The following SHTN1 variants were observed in gnomAD, a reference collection of about 807,000 sequenced individuals.
The protein encoded by SHTN1 is shootin 1.
In SHTN1, 42 loss-of-function variants were observed where a neutral mutation model predicts 83.1. That is an observed-to-expected ratio of 0.51 (90% CI 0.39 to 0.65). The LOEUF (loss-of-function observed/expected upper bound fraction) is 0.65, where lower values mean the gene tolerates loss of function less well. Among genes scored for constraint, SHTN1 ranks in the 30% least tolerant of loss-of-function variants. SHTN1 has a pLI of 0.00. For missense variants in SHTN1, 622 were observed against 737.8 expected (o/e 0.84, Z 1.82); for synonymous variants, 224 against 247.7 (o/e 0.90, Z 0.90).
intron 8 of SHTN1, among the ~76,000 whole-genome samples, chr10:116,943,727 A>C (rs1030531827): frequency 6.6e-6 from 1 of 152,188 alleles, no homozygotes; most frequent in African/African-American, 2.4e-5. Flanking sequence ...TGGATTTTCA[A>C]ATGTCATTCC....
chr10:116,987,587 C>T (rs1002975810), intron 1 of SHTN1, among the ~76,000 whole-genome samples: 1 of 152,022 alleles, frequency 6.6e-6, no homozygotes, highest in African/African-American at 2.4e-5. Context: ...AATTATATGA[C>T]ATTCTAGAAA....
chr10:117,119,855 A>AT (rs1853898841), intron 1 of SHTN1, among the ~76,000 whole-genome samples: 5 of 151,968 alleles, frequency 3.3e-5, no homozygotes, highest in African/African-American at 9.7e-5. Context: ...AAAAAAAAAA[A>AT]ATAAGATCCT....
chr10:116,965,069 T>C (rs1329303854), intron 3 of SHTN1, among the ~76,000 whole-genome samples: 1 of 152,180 alleles, frequency 6.6e-6, no homozygotes, highest in Admixed American at 6.5e-5. Flanking sequence ...GTGGTGTTCT[T>C]TGTGTGTAGG....
At chr10:117,121,237 T>C (rs933927081) in intron 1 of SHTN1, among the ~76,000 whole-genome samples, 2 of 152,252 alleles carry the variant, frequency 1.3e-5, no homozygotes, top group Non-Finnish European at 2.9e-5. Flanking sequence ...TAATCTCCTA[T>C]AATCTATATT....
rs78663843 is a variant in SHTN1 at position 117,112,093 on chromosome 10, G to A, written c.-189+14214C>T. On this transcript the variant is annotated intron_variant, in intron 1 of 17. Transcript: ENST00000392901. ...CAATCCTCCTGCTTCAGCCTCCCAA[G>A]TAGCTGGAATTACAGGCACACGCCA... is the stretch of plus-strand genomic sequence containing the variant. Among the ~76,000 whole-genome samples, 592 of 152,238 alleles carry A rather than the reference G, an allele frequency of 3.9e-3. 14 individuals carry two copies. The East Asian group carries it at 0.078, about 20-fold the overall frequency.
chr10:116,940,987 C>T (rs1275722603), intron 8 of SHTN1, among the ~76,000 whole-genome samples: 2 of 152,140 alleles, frequency 1.3e-5, no homozygotes, highest in East Asian at 3.8e-4. Context: ...TATTAAAGTG[C>T]TTCTACTATG....
intron 1 of SHTN1, among the ~76,000 whole-genome samples, chr10:117,083,468 A>T (rs1215085664): frequency 6.6e-6 from 1 of 151,176 alleles, no homozygotes; most frequent in Non-Finnish European, 1.5e-5. Flanking sequence ...TGCCCTTAAT[A>T]TTTTTTCCTT....
chr10:116,940,053 T>G (rs1307473419), intron 9 of SHTN1, among the ~76,000 whole-genome samples: 1 of 152,242 alleles, frequency 6.6e-6, no homozygotes, highest in African/African-American at 2.4e-5. Context: ...TAATACGGAC[T>G]GTCATTTTCT....
Position 117,095,050 on chromosome 10 carries a change from A to G in SHTN1, c.-189+31257T>C, listed in dbSNP as rs548065386. Among the ~76,000 whole-genome samples, 113 of 152,332 alleles carry G rather than the reference A, an allele frequency of 7.4e-4. 2 individuals carry two copies. The South Asian group carries it at 0.022, about 30-fold the overall frequency. Reference sequence around the variant, plus strand: ...ACAAGCAAGAAGGCTCATTGTTTCCACAGGCCTCCTTCGGGCCTTGGCTTT... The same window carrying G: ...ACAAGCAAGAAGGCTCATTGTTTCCGCAGGCCTCCTTCGGGCCTTGGCTTT... On this transcript the variant is annotated intron_variant, in intron 1 of 17. Transcript: ENST00000392901.
chr10:116,922,974 A>T (rs900140219), intron 11 of SHTN1, among the ~76,000 whole-genome samples: 4 of 152,268 alleles, frequency 2.6e-5, no homozygotes, highest in Admixed American at 6.5e-5. Context: ...CTCAAAAAAA[A>T]AAATAAAAAT....
At chr10:116,928,506 T>A (rs1208530364) in intron 10 of SHTN1, among the ~76,000 whole-genome samples, 1 of 152,222 alleles carries the variant, frequency 6.6e-6, no homozygotes, top group Non-Finnish European at 1.5e-5. Flanking sequence ...AAAGTGCCTA[T>A]GAATGGTGCT....
At chr10:117,126,325 C>A in exon 1 of SHTN1, 1 of 164,226 alleles carries the variant, frequency 6.1e-6, no homozygotes, top group Non-Finnish European at 1.3e-5. Flanking sequence ...TGGTGAGGCC[C>A]CGGCCTCCGT....
intron 1 of SHTN1, among the ~76,000 whole-genome samples, chr10:117,086,373 T>C (rs571828864): frequency 2.6e-5 from 4 of 152,354 alleles, no homozygotes; most frequent in East Asian, 1.9e-4. Flanking sequence ...GTTGGGGTCT[T>C]GTTTGCTTTA....
At chr10:117,033,318 A>G (rs1852448068) in intron 2 of SHTN1, among the ~76,000 whole-genome samples, 1 of 152,200 alleles carries the variant, frequency 6.6e-6, no homozygotes, top group Non-Finnish European at 1.5e-5. Flanking sequence ...AGAAGATCCA[A>G]ATAAACAAAA....
intron 1 of SHTN1, among the ~76,000 whole-genome samples, chr10:117,125,318 T>C (rs1388706193): frequency 6.6e-6 from 1 of 151,962 alleles, no homozygotes. Context: ...AAAACGAAAA[T>C]AATGGTGATG....
At position 117,053,024 on chromosome 10, in the gene SHTN1, A is replaced by AAAAAGAAAAAAAAAAAAAAAAAAAAAAG. The variant is rs1852771758; in HGVS notation, c.-188-4515_-188-4514insCTTTTTTTTTTTTTTTTTTTTTTCTTTT. Among the ~76,000 whole-genome samples the AAAAAGAAAAAAAAAAAAAAAAAAAAAAG allele has an allele frequency of 3.9e-5, 2 of 51,282 alleles. 1 individual carries two copies. 33.6% of individuals were successfully genotyped at this position (51,282 alleles called of 152,430 possible). On this transcript the variant is annotated intron_variant, in intron 1 of 17. Coordinates refer to the SHTN1 transcript ENST00000392901. ...AACAGAGCAAGACTGTGTCTCAAAA[A>AAAAAGAAAAAAAAAAAAAAAAAAAAAAG]AAAAAAGAATTAAGAATTAAGTTGG...
intron 1 of SHTN1, among the ~76,000 whole-genome samples, chr10:117,103,828 A>G (rs559146779): frequency 6.6e-4 from 101 of 151,980 alleles, no homozygotes; most frequent in Admixed American, 3.8e-3. Flanking sequence ...GAGCCACCGC[A>G]CACGGCCAAT....
At chr10:117,031,506 C>A (rs1898348) in intron 2 of SHTN1, among the ~76,000 whole-genome samples, 138,593 of 152,232 alleles carry the variant, frequency 0.91, 64,466 homozygotes, top group Non-Finnish European at 1. Flanking sequence ...TCTAGTAAAA[C>A]GACTAAATGA....
At chr10:116,911,431 G>C (rs1433033491) in intron 14 of SHTN1, 1 of 1,537,396 alleles carries the variant, frequency 6.5e-7, no homozygotes, top group Non-Finnish European at 8.8e-7. Flanking sequence ...AGGCTTCAAA[G>C]TAAAGCATTA....
Sources: allele counts gnomAD v4.1 joint callset (sites outside exome capture counted in the v4.1 genomes callset), GRCh38; gene constraint gnomAD v4.1.1; transcripts MANE v1.5; gene names NCBI Gene and HGNC (gene_info 2026-07-23, HGNC 2026-07-21).